The following ZNF273 variants were observed in gnomAD, a reference collection of about 807,000 sequenced individuals.
ZNF273 encodes the protein zinc finger protein 273.
Under a neutral mutation model 14.9 loss-of-function variants are expected in ZNF273, and 11 were observed. The observed-to-expected ratio is 0.74, with a 90% CI of 0.46 to 1.22. ZNF273 has a LOEUF of 1.22. ZNF273 is among the 50% of genes most tolerant of loss of function. The pLI is 0.00. For missense variants in ZNF273, 577 were observed against 660.6 expected (o/e 0.87, Z 1.39); for synonymous variants, 199 against 223.9 (o/e 0.89, Z 0.99).
chr7:64,910,117 G>A (rs140437286), intron 1 of ZNF273, among the ~76,000 whole-genome samples: 1 of 151,936 alleles, frequency 6.6e-6, no homozygotes, highest in African/African-American at 2.4e-5. Context: ...CTATTGTTCT[G>A]TAGGTTGTCT....
At chr7:64,917,963 C>T (rs1458054488) in intron 2 of ZNF273, among the ~76,000 whole-genome samples, 1 of 152,108 alleles carries the variant, frequency 6.6e-6, no homozygotes, top group Non-Finnish European at 1.5e-5. Context: ...AAGTTGCCCA[C>T]ACCGTAAAAT....
chr7:64,933,624 T>A (rs1795035237), downstream of ZNF273: 1 of 152,172 alleles, frequency 6.6e-6, no homozygotes, highest in Non-Finnish European at 1.5e-5. Context: ...AATATCAGAG[T>A]TTCTGTGATT....
chr7:64,879,380 C>T (rs1791192591), intron 2 of ZNF273: 1 of 152,226 alleles, frequency 6.6e-6, no homozygotes, highest in Non-Finnish European at 1.5e-5. Context: ...CCAAGCAATA[C>T]TTGATTTTCC....
At chr7:64,885,462 C>A (rs1192465886) in intron 1 of ZNF273, among the ~76,000 whole-genome samples, 2 of 152,264 alleles carry the variant, frequency 1.3e-5, no homozygotes, top group Non-Finnish European at 2.9e-5. Context: ...ATTAAGTCAC[C>A]TGTCCTGTGG....
intron 1 of ZNF273, chr7:64,916,881 G>T (rs183088800): frequency 8.5e-5 from 54 of 632,304 alleles, no homozygotes; most frequent in Middle Eastern, 1.4e-3. Context: ...TTACTATAGA[G>T]TTAATTATTT....
At chr7:64,892,092 T>C (rs573203754), downstream of ZNF273, among the ~76,000 whole-genome samples, 9 of 152,136 alleles carry the variant, frequency 5.9e-5, no homozygotes, top group Non-Finnish European at 1.2e-4. Flanking sequence ...CTGACAGAAA[T>C]AAAACTGCAT....
Position 64,928,180 on chromosome 7 carries a change from T to C in ZNF273, c.852T>C (p.His284=), listed in dbSNP as rs1286138323. 4 of 1,613,210 alleles carry C rather than the reference T, an allele frequency of 2.5e-6. No individual in the cohort carries two copies. Among genetic ancestry groups the C allele is most frequent in the Non-Finnish European group, 3.4e-6 (4 of 1,179,774 alleles). ...CTCTTACTAAACATAAAAAAATTCATACTGAAGAGAAACCTTACAAATGTG... is the reference window on the plus strand; with the variant it reads ...CTCTTACTAAACATAAAAAAATTCACACTGAAGAGAAACCTTACAAATGTG... ...SLTLTKHKKI[H]TEEKPYKCED... is the part of the protein sequence containing the mutation. Residue 284 remains histidine (H), a synonymous_variant, in exon 4 of 4, where the codon CAT becomes CAC. Coordinates refer to ENST00000476120, the MANE Select transcript of ZNF273 (RefSeq NM_021148.3).
At chr7:64,889,391 C>T (rs1791821171), downstream of ZNF273, 1 of 977,370 alleles carries the variant, frequency 1.0e-6, no homozygotes, top group Non-Finnish European at 1.2e-6. This position sits in a 1 kb window ranked among gnomAD's most constrained non-coding sequence, Gnocchi z 4.2. Flanking sequence ...CAGGGCCGTG[C>T]GGCTCCTGCG....
At chr7:64,927,608 ATC>A (rs1309707188) in intron 3 of ZNF273, 44 bp from the exon 4 acceptor site, 1 of 1,467,198 alleles carries the variant, frequency 6.8e-7, no homozygotes, top group African/African-American at 1.4e-5. Context: ...AAGTATATTC[ATC>A]TGAGTCTAGT....
downstream of ZNF273, chr7:64,933,355 C>G (rs1795030562): frequency 1.3e-5 from 2 of 152,170 alleles, no homozygotes; most frequent in South Asian, 4.1e-4. Flanking sequence ...GTAGCCAACT[C>G]CTTGGTCATT....
downstream of ZNF273, among the ~76,000 whole-genome samples, chr7:64,881,131 G>C (rs1405112366): frequency 6.6e-6 from 1 of 152,228 alleles, no homozygotes; most frequent in Non-Finnish European, 1.5e-5. Context: ...GTGCCCAGCT[G>C]GGAGGATTCC....
chr7:64,929,090 TATAAG>T lies in ZNF273; in HGVS notation c.*57_*61del. Reference sequence around the variant, plus strand: ...TAAGCGGTTGTCACACTTGATTGTATATAAGATAATTCATACTGGAGAAAACTCCC... The same window carrying T: ...TAAGCGGTTGTCACACTTGATTGTATATAATTCATACTGGAGAAAACTCCC... On this transcript the variant is annotated 3_prime_UTR_variant, in exon 4 of 4. Coordinates refer to ENST00000476120, the MANE Select transcript of ZNF273 (RefSeq NM_021148.3). 1 of 608,062 alleles carries T rather than the reference TATAAG, an allele frequency of 1.6e-6. No homozygotes were observed. The highest frequency in any genetic ancestry group is 2.1e-6 in the Non-Finnish European group (1 of 475,690). 37.7% of individuals were successfully genotyped at this position (608,062 alleles called of 1,614,324 possible).
chr7:64,927,725 C>A lies in ZNF273; in HGVS notation c.397C>A (p.Leu133Met). ...GLKDSFQKVI[L>M]RRYGKYGHEN... ...AAAAGATTCTTTTCAAAAAGTGATA[C>A]TGAGAAGATATGGAAAATATGGACA... is the stretch of plus-strand genomic sequence containing the variant. Residue 133 changes from leucine (L) to methionine (M), a missense_variant, in exon 4 of 4, where the codon CTG becomes ATG. By Grantham distance (15) the Leu-to-Met change is conservative. This residue lies in a region of ZNF273 where 162 missense variants were observed against 203.5 expected (regional missense o/e 0.80). Transcript: ENST00000476120. 6.2e-7 allele frequency: 1 copy of A among 1,612,216 alleles called. No homozygotes were observed. Among genetic ancestry groups the A allele is most frequent in the Non-Finnish European group, 8.5e-7 (1 of 1,179,492 alleles).
chr7:64,923,584 C>A, intron 3 of ZNF273: 1 of 309,608 alleles, frequency 3.2e-6, no homozygotes, highest in Non-Finnish European at 6.3e-6. Flanking sequence ...TCGTGTGATC[C>A]GCCCTCCTCA....
rs368383312 is a variant in ZNF273, at chr7:64,903,379, C to T, written c.62C>T (p.Ser21Phe). The change falls in exon 1 of 4, where the codon TCC becomes TTC. Residue 21 changes from serine (S) to phenylalanine (F), a missense_variant. Transcript: ENST00000476120. ...CCGTTACCTGCAGGTATTGGGAGATCCACAGCTAAGACGCCAGGACTCCCT... is the reference window on the plus strand; with the variant it reads ...CCGTTACCTGCAGGTATTGGGAGATTCACAGCTAAGACGCCAGGACTCCCT... ...VAPLPAGIGR[S>F]TAKTPGLPGS... 2 of 1,613,542 alleles carry T rather than the reference C, an allele frequency of 1.2e-6. No individual in the cohort carries two copies. The highest frequency in any genetic ancestry group is 1.7e-6 in the Non-Finnish European group (2 of 1,179,620).
intron 3 of ZNF273, among the ~76,000 whole-genome samples, chr7:64,895,477 A>C (rs115120822): frequency 1.4e-4 from 22 of 152,322 alleles, no homozygotes; most frequent in African/African-American, 5.1e-4. Context: ...ATTCACTAAC[A>C]GTGTGCCTGT....
At chr7:64,890,797 T>A (rs1390268530), downstream of ZNF273, among the ~76,000 whole-genome samples, 1 of 147,810 alleles carries the variant, frequency 6.8e-6, no homozygotes, top group African/African-American at 2.5e-5. Context: ...GGCTCAGTGA[T>A]GGGGCAAAGG....
chr7:64,913,260 C>CG (rs1367396432), intron 1 of ZNF273, among the ~76,000 whole-genome samples: 1 of 152,054 alleles, frequency 6.6e-6, no homozygotes, highest in Non-Finnish European at 1.5e-5. Context: ...TCTCATCTGT[C>CG]TATATTTTGT....
At chr7:64,907,811 G>A (rs996202865) in intron 1 of ZNF273, among the ~76,000 whole-genome samples, 1 of 152,150 alleles carries the variant, frequency 6.6e-6, no homozygotes, top group Non-Finnish European at 1.5e-5. Flanking sequence ...CACACTGCCC[G>A]TTGTCCTGTG....
Sources: allele counts gnomAD v4.1 joint callset (sites outside exome capture counted in the v4.1 genomes callset), GRCh38; gene constraint gnomAD v4.1.1; regional missense constraint gnomAD v4.1.1; non-coding constraint Gnocchi (gnomAD v3.1); transcripts MANE v1.5; gene names NCBI Gene and HGNC (gene_info 2026-07-23, HGNC 2026-07-21).